Variants in GSK3B observed in about 807,000 individuals in gnomAD.
The protein encoded by GSK3B is glycogen synthase kinase 3 beta.
GSK3B carries 15 observed loss-of-function variants against 56.4 expected under a neutral mutation model. The observed-to-expected ratio is 0.27, with a 90% CI of 0.18 to 0.41. The LOEUF (loss-of-function observed/expected upper bound fraction) is 0.41, where lower values mean the gene tolerates loss of function less well. GSK3B is among the 10% of genes least tolerant of loss of function. The pLI is 1.00. For missense variants in GSK3B, 300 were observed against 513.4 expected (o/e 0.58, Z 4.02); for synonymous variants, 181 against 188.9 (o/e 0.96, Z 0.34).
At chr3:120,060,540 A>G (rs561662335) in intron 1 of GSK3B, among the ~76,000 whole-genome samples, 3 of 152,138 alleles carry the variant, frequency 2.0e-5, no homozygotes, top group Non-Finnish European at 4.4e-5. Flanking sequence ...CAACTTGGGC[A>G]ACATAGGGAG....
At chr3:119,899,076 G>T (rs2056600674) in intron 7 of GSK3B, among the ~76,000 whole-genome samples, 1 of 152,004 alleles carries the variant, frequency 6.6e-6, no homozygotes, top group South Asian at 2.1e-4. Flanking sequence ...GAATGATCCT[G>T]GATCAGTGAG....
At chr3:119,866,879 A>G (rs1206454416) in intron 8 of GSK3B, among the ~76,000 whole-genome samples, 1 of 152,146 alleles carries the variant, frequency 6.6e-6, no homozygotes, top group Non-Finnish European at 1.5e-5. Flanking sequence ...CACAGTAAAG[A>G]AACATTTTAA....
At chr3:119,835,191 A>T (rs2055670534) in intron 10 of GSK3B, among the ~76,000 whole-genome samples, 1 of 152,210 alleles carries the variant, frequency 6.6e-6, no homozygotes, top group Non-Finnish European at 1.5e-5. Flanking sequence ...CTCCCACTCT[A>T]TGAGGACATG....
intron 10 of GSK3B, among the ~76,000 whole-genome samples, chr3:119,836,053 C>A (rs2055685667): frequency 6.6e-6 from 1 of 152,092 alleles, no homozygotes; most frequent in South Asian, 2.1e-4. Flanking sequence ...AACAGGAATT[C>A]TGGGGTGAAA....
chr3:119,898,871 G>C (rs2056598396), intron 7 of GSK3B, among the ~76,000 whole-genome samples: 1 of 152,138 alleles, frequency 6.6e-6, no homozygotes, highest in Non-Finnish European at 1.5e-5. Context: ...ATGATATACT[G>C]TAAAGTTCTG....
rs1379883302 is a variant in GSK3B, at chr3:119,967,859, TCTCTCTC to T, written c.283-20515_283-20509del. ...TTCTCTCTCTCTCTCTCTCTCTCTC[TCTCTCTC>T]CTTTCTTTCTTGAAAGAGTCTCGCT... On this transcript the variant is annotated intron_variant, in intron 2 of 10. Transcript: ENST00000264235. Among the ~76,000 whole-genome samples the T allele has an allele frequency of 2.2e-5, 3 of 133,528 alleles. No homozygotes were observed. In the East Asian group the frequency reaches 6.4e-4, roughly 28 times the overall value. The allele number at this position is 133,528 out of a possible 152,430, so 87.6% of individuals were successfully genotyped here.
At chr3:120,023,395 A>T (rs906282246) in intron 1 of GSK3B, among the ~76,000 whole-genome samples, 5 of 151,264 alleles carry the variant, frequency 3.3e-5, no homozygotes, top group Non-Finnish European at 7.4e-5. Flanking sequence ...TAACTACAAA[A>T]CAAAAATTTG....
At chr3:120,065,452 A>C (rs892146405) in intron 1 of GSK3B, among the ~76,000 whole-genome samples, 1 of 152,170 alleles carries the variant, frequency 6.6e-6, no homozygotes, top group African/African-American at 2.4e-5. Flanking sequence ...AGCAATAATC[A>C]AAAAATAGAA....
intron 7 of GSK3B, among the ~76,000 whole-genome samples, chr3:119,885,918 A>C (rs1443007352): frequency 6.6e-6 from 1 of 152,174 alleles, no homozygotes; most frequent in Non-Finnish European, 1.5e-5. Flanking sequence ...CTAAAGATTT[A>C]AATATAAGAC....
intron 9 of GSK3B, among the ~76,000 whole-genome samples, chr3:119,854,627 T>G (rs1259448492): frequency 6.6e-6 from 1 of 152,244 alleles, no homozygotes; most frequent in East Asian, 1.9e-4. Context: ...GGGATTCAAC[T>G]TCTTCCTGGT....
chr3:119,946,944 T>C (rs1164681132), intron 3 of GSK3B, among the ~76,000 whole-genome samples: 1 of 151,640 alleles, frequency 6.6e-6, no homozygotes, highest in Non-Finnish European at 1.5e-5. Context: ...AATAAATAGG[T>C]AAACTATCAG....
chr3:119,945,904 G>T (rs1459586941), intron 3 of GSK3B, among the ~76,000 whole-genome samples: 1 of 151,956 alleles, frequency 6.6e-6, no homozygotes, highest in African/African-American at 2.4e-5. Flanking sequence ...TCATTACAAA[G>T]AGTGTACTTG....
At chr3:119,973,447 G>T (rs539343872) in intron 2 of GSK3B, among the ~76,000 whole-genome samples, 2 of 152,188 alleles carry the variant, frequency 1.3e-5, no homozygotes, top group African/African-American at 2.4e-5. Context: ...TCTAACCATG[G>T]ACATTATTAT....
chr3:120,007,772 A>G (rs1310651243), intron 1 of GSK3B, among the ~76,000 whole-genome samples: 1 of 152,236 alleles, frequency 6.6e-6, no homozygotes, highest in Admixed American at 6.5e-5. Context: ...GTATCTCAAC[A>G]TAACAAGAGC....
intron 6 of GSK3B, among the ~76,000 whole-genome samples, chr3:119,912,201 G>C (rs960266232): frequency 3.3e-5 from 5 of 152,160 alleles, no homozygotes; most frequent in African/African-American, 1.2e-4. Context: ...AGGATAGGAA[G>C]AGAGATGGGG....
chr3:120,066,772 T>C (rs1037998908), intron 1 of GSK3B, among the ~76,000 whole-genome samples: 3 of 152,190 alleles, frequency 2.0e-5, no homozygotes, highest in Non-Finnish European at 4.4e-5. Flanking sequence ...TACTTAACTC[T>C]GCCACTGTAT....
At chr3:119,873,861 A>G (rs1288453267) in intron 8 of GSK3B, among the ~76,000 whole-genome samples, 1 of 152,146 alleles carries the variant, frequency 6.6e-6, no homozygotes, top group Admixed American at 6.6e-5. Flanking sequence ...AGTGAAAACC[A>G]AATTATGTCA....
chr3:119,989,173 G>A (rs2057541407), intron 2 of GSK3B, among the ~76,000 whole-genome samples: 1 of 152,108 alleles, frequency 6.6e-6, no homozygotes, highest in Admixed American at 6.5e-5. Context: ...ACTAATAACT[G>A]AGGGTGCCCA....
At chr3:120,091,849 A>C (rs1416430824) in intron 1 of GSK3B, among the ~76,000 whole-genome samples, 1 of 152,120 alleles carries the variant, frequency 6.6e-6, no homozygotes, top group Non-Finnish European at 1.5e-5. Context: ...AACTTTCAAA[A>C]ATTATCTCCC....
Sources: allele counts gnomAD v4.1 joint callset (sites outside exome capture counted in the v4.1 genomes callset), GRCh38; gene constraint gnomAD v4.1.1; transcripts MANE v1.5; gene names NCBI Gene and HGNC (gene_info 2026-07-23, HGNC 2026-07-21).